MIB1: variants seen among roughly 807,000 people sequenced by gnomAD.
MIB1 encodes E3 ubiquitin-protein ligase MIB1.
Under a neutral mutation model 124.5 loss-of-function variants are expected in MIB1, and 278 were observed. The observed-to-expected ratio is 2.23, with a 90% CI of 2.02 to 2.47. MIB1 has a LOEUF of 2.47. Ranked by LOEUF, MIB1 falls within the 30% of genes most tolerant of loss-of-function variation. The probability of loss-of-function intolerance (pLI) is 0.00; values close to 1 mark genes in which losing one functional copy is unlikely to be tolerated. For missense variants in MIB1, 957 were observed against 1,254.4 expected (o/e 0.76, Z 3.58); for synonymous variants, 446 against 429.4 (o/e 1.04, Z -0.48).
chr18:21,812,710 G>A (rs1448007919), intron 10 of MIB1, among the ~76,000 whole-genome samples: 1 of 152,106 alleles, frequency 6.6e-6, no homozygotes, highest in Admixed American at 6.6e-5. Context: ...AGAGAATAGG[G>A]CAGGGGGATA....
intron 1 of MIB1, among the ~76,000 whole-genome samples, chr18:21,764,727 TG>T (rs1284298375): frequency 3.6e-5 from 4 of 111,664 alleles, no homozygotes; most frequent in African/African-American, 2.6e-4. Context: ...CCAGTTATTT[TG>T]AAAAAAAAAA....
Position 21,838,412 on chromosome 18 carries a change from A to C in MIB1, c.1877A>C (p.Asp626Ala), listed in dbSNP as rs1351363842. 1 of 1,609,504 alleles carries C rather than the reference A, an allele frequency of 6.2e-7. No homozygotes were observed. Among genetic ancestry groups the C allele is most frequent in the Admixed American group, 1.7e-5 (1 of 59,766 alleles). ...LSKLPRPWIVDEKKDDGYTAL... is the reference protein window; with the variant it reads ...LSKLPRPWIVAEKKDDGYTAL... ...AAATTACCAAGACCATGGATTGTGG[A>C]TGAGAAGAAAGATGATGGTTATACT... The change falls in exon 13 of 21, where the codon GAT becomes GCT. Residue 626 changes from aspartate (D) to alanine (A), a missense_variant. By Grantham distance (126) the Asp-to-Ala change is moderately radical. Coordinates refer to ENST00000261537, the MANE Select transcript of MIB1 (RefSeq NM_020774.4).
At chr18:21,814,019 A>G (rs2041802535) in intron 10 of MIB1, among the ~76,000 whole-genome samples, 2 of 152,216 alleles carry the variant, frequency 1.3e-5, no homozygotes, top group South Asian at 4.1e-4. Context: ...ACTTTTTGGT[A>G]TAAGCTATGT....
chr18:21,712,868 G>C (rs747474116), intron 1 of MIB1, among the ~76,000 whole-genome samples: 88 of 152,104 alleles, frequency 5.8e-4, no homozygotes, highest in Non-Finnish European at 1.1e-3. Flanking sequence ...AATATAAAAG[G>C]GTCCTACAAA....
chr18:21,747,844 G>T (rs986313917), intron 1 of MIB1, among the ~76,000 whole-genome samples: 2 of 152,174 alleles, frequency 1.3e-5, no homozygotes, highest in African/African-American at 4.8e-5. Context: ...ATCCCCACAT[G>T]TGTGCTTTCA....
At chr18:21,726,861 T>G (rs2040744595) in intron 1 of MIB1, among the ~76,000 whole-genome samples, 1 of 152,176 alleles carries the variant, frequency 6.6e-6, no homozygotes, top group Non-Finnish European at 1.5e-5. Flanking sequence ...AATGTGAGAC[T>G]CACAGCAAAG....
In MIB1 at chr18:21,838,514, A is replaced by G. The variant is rs139079482; in HGVS notation, c.1962+17A>G. 2,022 of 1,557,124 alleles carry G rather than the reference A, an allele frequency of 1.3e-3. 23 individuals are homozygous for G. In the African/African-American group the frequency reaches 0.025, roughly 19 times the overall value. ...GTACATCAGGTAAGAAAAGAGTTAA[A>G]TAATTCCCTCTTTTTTATTTTTTTT... On this transcript the variant is annotated intron_variant, in intron 13 of 20. Coordinates refer to ENST00000261537, the MANE Select transcript of MIB1 (RefSeq NM_020774.4).
Position 21,857,133 on chromosome 18 carries a change from G to A in MIB1, c.2669G>A (p.Cys890Tyr). 6.2e-7 allele frequency: 1 copy of A among 1,612,102 alleles called. No individual in the cohort carries two copies. The highest frequency in any genetic ancestry group is 8.5e-7 in the Non-Finnish European group (1 of 1,178,174). ...TGTCTGTGTTACCGTTTTCCAGACT[G>A]TGCTAACCTGATGAAAAAGTGTGTG... is the stretch of plus-strand genomic sequence containing the variant. ...PCGHMCACENCANLMKKCVQC... is the reference protein window; with the variant it reads ...PCGHMCACENYANLMKKCVQC... The change falls in exon 19 of 21, where the codon TGT (cysteine) becomes TAT (tyrosine). Residue 890 changes from cysteine to tyrosine, a missense_variant. Transcript: ENST00000261537.
intron 10 of MIB1, among the ~76,000 whole-genome samples, chr18:21,808,799 T>C (rs549160998): frequency 1.3e-5 from 2 of 152,266 alleles, no homozygotes; most frequent in South Asian, 4.1e-4. Context: ...TTTCCCCCAC[T>C]GATGAAGTAT....
chr18:21,756,595 G>C (rs1303740288), intron 1 of MIB1, among the ~76,000 whole-genome samples: 1 of 152,020 alleles, frequency 6.6e-6, no homozygotes, highest in East Asian at 1.9e-4. Context: ...CTCCCAGGTA[G>C]CTGGGATCAC....
chr18:21,803,610 A>G (rs1426762942), intron 9 of MIB1: 2 of 208,694 alleles, frequency 9.6e-6, no homozygotes, highest in Non-Finnish European at 1.9e-5. Context: ...AGAAATATAT[A>G]TACAAAACCA....
intron 1 of MIB1, among the ~76,000 whole-genome samples, chr18:21,711,137 A>AT (rs1302739882): frequency 6.6e-6 from 1 of 151,976 alleles, no homozygotes; most frequent in Non-Finnish European, 1.5e-5. Flanking sequence ...TAATTGGCTG[A>AT]TTTTATACAG....
At chr18:21,763,780 C>G (rs2041125803) in intron 1 of MIB1, among the ~76,000 whole-genome samples, 1 of 152,130 alleles carries the variant, frequency 6.6e-6, no homozygotes. Context: ...AACCATTTCT[C>G]TCAATTTCTA....
chr18:21,726,037 A>T (rs771500442), intron 1 of MIB1, among the ~76,000 whole-genome samples: 2 of 152,158 alleles, frequency 1.3e-5, no homozygotes, highest in African/African-American at 2.4e-5. Context: ...CACTTCAGAG[A>T]TGTGCTAAAA....
upstream of MIB1, among the ~76,000 whole-genome samples, chr18:21,737,506 A>G (rs573969820): frequency 6.6e-6 from 1 of 152,296 alleles, no homozygotes; most frequent in African/African-American, 2.4e-5. Flanking sequence ...TCATAATGAC[A>G]GGATCAAATT....
chr18:21,747,791 C>T (rs112457960), intron 1 of MIB1, among the ~76,000 whole-genome samples: 2,420 of 152,270 alleles, frequency 0.016, 37 homozygotes, highest in East Asian at 0.068. Flanking sequence ...AGCCACCCAC[C>T]AGGGTCTCTC....
At chr18:21,788,993 G>A (rs1328595206) in intron 6 of MIB1, among the ~76,000 whole-genome samples, 1 of 152,152 alleles carries the variant, frequency 6.6e-6, no homozygotes. Context: ...AACATTCCAT[G>A]TTCTTAGATC....
chr18:21,774,513 C>T (rs763554330), intron 4 of MIB1, among the ~76,000 whole-genome samples: 1 of 152,050 alleles, frequency 6.6e-6, no homozygotes, highest in African/African-American at 2.4e-5. Flanking sequence ...ACCTGAACCA[C>T]GAGGGTCGGG....
chr18:21,764,224 C>T (rs961787157), intron 1 of MIB1, among the ~76,000 whole-genome samples: 3 of 151,932 alleles, frequency 2.0e-5, no homozygotes, highest in Non-Finnish European at 4.4e-5. Flanking sequence ...TTCAGGTGTT[C>T]GTTCCCTTCC....
Sources: allele counts gnomAD v4.1 joint callset (sites outside exome capture counted in the v4.1 genomes callset), GRCh38; gene constraint gnomAD v4.1.1; transcripts MANE v1.5; gene names NCBI Gene and HGNC (gene_info 2026-07-23, HGNC 2026-07-21).